PPFIA3: variants seen among roughly 807,000 people sequenced by gnomAD.
The protein encoded by PPFIA3 is PPFI scaffold protein A3, also known as liprin-alpha-3.
In PPFIA3, 26 loss-of-function variants were observed where a neutral mutation model predicts 145.8. The observed-to-expected ratio is 0.18, with a 90% CI of 0.13 to 0.25. The LOEUF is 0.25. Ranked by LOEUF, PPFIA3 falls within the 10% of genes least tolerant of loss-of-function variation. The probability of loss-of-function intolerance (pLI) is 1.00; values close to 1 mark genes in which losing one functional copy is unlikely to be tolerated. For synonymous variants in PPFIA3, 645 were observed against 661.4 expected (o/e 0.98, Z 0.38); for missense variants, 1,008 against 1,587.8 (o/e 0.63, Z 6.21).
Position 49,150,524 on chromosome 19 carries a change from G to C in PPFIA3, c.*302G>C, listed in dbSNP as rs2041335817. On this transcript the variant is annotated 3_prime_UTR_variant, in exon 30 of 30. Coordinates refer to ENST00000334186, the MANE Select transcript of PPFIA3 (RefSeq NM_003660.4). The stretch of plus-strand genomic sequence containing the variant: ...TATTGATCAGTTTCTGTTGGGAGAC[G>C]GGTGTCCTTTACCCGCGGGAAGGGG... 1 of 166,920 alleles carries C rather than the reference G, an allele frequency of 6.0e-6. No individual in the cohort carries two copies. Among genetic ancestry groups the C allele is most frequent in the Non-Finnish European group, 1.3e-5 (1 of 77,630 alleles). 10.3% of individuals were successfully genotyped at this position (166,920 alleles called of 1,614,324 possible). A position where few individuals can be genotyped will look rare whatever the true frequency, so the allele number is the denominator to read the frequency against.
At position 49,120,939 on chromosome 19, in the gene PPFIA3, C is replaced by G. The variant is rs950167237; in HGVS notation, c.-16+1217C>G. 6.6e-6 allele frequency among the ~76,000 whole-genome samples: 1 copy of G among 152,176 alleles called. No individual in the cohort carries two copies. The highest frequency in any genetic ancestry group is 2.4e-5 in the African/African-American group (1 of 41,432). ...AGGATTCAGGAGTCCAGGCTCCCAGCTCTGTCCACTGCCCTCCCCAGCAGG... is the reference window on the plus strand; with the variant it reads ...AGGATTCAGGAGTCCAGGCTCCCAGGTCTGTCCACTGCCCTCCCCAGCAGG... On this transcript the variant is annotated intron_variant, in intron 1 of 29. Coordinates refer to ENST00000334186, the MANE Select transcript of PPFIA3 (RefSeq NM_003660.4). This position sits in a 1 kb window ranked among gnomAD's most constrained non-coding sequence, Gnocchi z 4.6.
At position 49,138,399 on chromosome 19, in the gene PPFIA3, G is replaced by T. The variant is rs1389495306; in HGVS notation, c.2048G>T (p.Ser683Ile). ...GHSTPRLAPPSPAREGTDKAN... is the reference protein window; with the variant it reads ...GHSTPRLAPPIPAREGTDKAN... ...TCAACACCCCGCCTGGCACCCCCTA[G>T]CCCTGCCCGTGAGGGCACCGACAAG... is the stretch of plus-strand genomic sequence containing the variant. The change falls in exon 16 of 30, where the codon AGC becomes ATC. Residue 683 changes from serine (S) to isoleucine (I), a missense_variant. Around this residue, in one of 11 missense-constraint regions of PPFIA3, gnomAD observed 202 missense variants for 241.8 expected, o/e 0.84. Transcript: ENST00000334186. The T allele has an allele frequency of 3.2e-6, 5 of 1,569,110 alleles. No individual in the cohort carries two copies. Among genetic ancestry groups the T allele is most frequent in the Non-Finnish European group, 4.3e-6 (5 of 1,155,732 alleles).
Position 49,128,863 on chromosome 19 carries a change from C to T in PPFIA3, c.358C>T (p.Leu120=). 5 of 1,605,404 alleles carry T rather than the reference C, an allele frequency of 3.1e-6. No individual in the cohort carries two copies. Among genetic ancestry groups the T allele is most frequent in the Non-Finnish European group, 4.3e-6 (5 of 1,175,858 alleles). ...GTGCTTGCAGCTGCTCCTGGAACAC[C>T]TGGAGTGCCTGGTGTCCAGGCACGA... The part of the protein sequence containing the change: ...RNNTRLLLEH[L]ECLVSRHERS... Residue 120 remains leucine (L), a synonymous_variant, in exon 4 of 30, where the codon CTG becomes TTG. Transcript: ENST00000334186. This position sits in a 1 kb window ranked among gnomAD's most constrained non-coding sequence, Gnocchi z 4.1.
chr19:49,127,180 G>C (rs1275479675), intron 1 of PPFIA3, among the ~76,000 whole-genome samples: 1 of 150,952 alleles, frequency 6.6e-6, no homozygotes, highest in Non-Finnish European at 1.5e-5. Context: ...TCAGGAGTTC[G>C]AGACCAGCCT....
At position 49,149,476 on chromosome 19, in the gene PPFIA3, T is replaced by A; in HGVS notation, c.3355-71T>A. 6.3e-7 allele frequency: 1 copy of A among 1,590,966 alleles called. No homozygotes were observed. Among genetic ancestry groups the A allele is most frequent in the Non-Finnish European group, 8.6e-7 (1 of 1,163,382 alleles). ...AGGAGAGGTGAGACCCGGAGAGGGG[T>A]GGAGTCAAAGGAAGGGGCGGAGTCA... On this transcript the variant is annotated intron_variant, in intron 27 of 29. Coordinates refer to ENST00000334186, the MANE Select transcript of PPFIA3 (RefSeq NM_003660.4). This position sits in a 1 kb window ranked among gnomAD's most constrained non-coding sequence, Gnocchi z 5.7.
chr19:49,120,155 G>A lies in PPFIA3; in HGVS notation c.-16+433G>A, dbSNP rs909020962. 1.3e-5 allele frequency among the ~76,000 whole-genome samples: 2 copies of A among 152,126 alleles called. No homozygotes were observed. The highest frequency in any genetic ancestry group is 4.8e-5 in the African/African-American group (2 of 41,444). On this transcript the variant is annotated intron_variant, in intron 1 of 29. Coordinates refer to ENST00000334186, the MANE Select transcript of PPFIA3 (RefSeq NM_003660.4). The surrounding 1 kb of genome is among the most constrained non-coding windows in gnomAD (Gnocchi z 4.6). ...CCGGCTGCGTCCCACGGTCCAGGCA[G>A]GCTCGGCGGCCGCCCTGGACACAGG...
chr19:49,148,304 C>T (rs751317519), intron 24 of PPFIA3, 46 bp downstream of exon 24: 4 of 1,571,176 alleles, frequency 2.5e-6, no homozygotes, highest in South Asian at 1.2e-5. Flanking sequence ...GGAAGCCCCA[C>T]CCCAGAGAGT....
Position 49,149,470 on chromosome 19 carries a change from G to A in PPFIA3, c.3355-77G>A. ...GGTTAAAGGAGAGGTGAGACCCGGAGAGGGGTGGAGTCAAAGGAAGGGGCG... is the reference window on the plus strand; with the variant it reads ...GGTTAAAGGAGAGGTGAGACCCGGAAAGGGGTGGAGTCAAAGGAAGGGGCG... On this transcript the variant is annotated intron_variant, in intron 27 of 29. Coordinates refer to ENST00000334186, the MANE Select transcript of PPFIA3 (RefSeq NM_003660.4). This position sits in a 1 kb window ranked among gnomAD's most constrained non-coding sequence, Gnocchi z 5.7. 6.3e-7 allele frequency: 1 copy of A among 1,593,660 alleles called. No homozygotes were observed. Among genetic ancestry groups the A allele is most frequent in the Non-Finnish European group, 8.6e-7 (1 of 1,163,812 alleles).
intron 23 of PPFIA3, chr19:49,146,398 T>A (rs2041281306): frequency 3.1e-6 from 2 of 639,820 alleles, no homozygotes; most frequent in Non-Finnish European, 2.7e-6. Flanking sequence ...CCCAGACTGT[T>A]GCATAGTCAG....
At chr19:49,138,519 A>C in intron 16 of PPFIA3, 92 bp downstream of exon 16, 2 of 1,115,586 alleles carry the variant, frequency 1.8e-6, no homozygotes. Flanking sequence ...AACCCCTCAC[A>C]CCAGTGGTTT....
In PPFIA3 at chr19:49,138,328, C is replaced by T. The variant is rs1330955606; in HGVS notation, c.1977C>T (p.Leu659=). Residue 659 remains leucine (L), a synonymous_variant, in exon 16 of 30, where the codon CTC becomes CTT. Coordinates refer to ENST00000334186, the MANE Select transcript of PPFIA3 (RefSeq NM_003660.4). ...GCAGCTGCTCCCTGCCCCCCTCCCTCACCACCTCTACCCTTGCCAGCCCCT... is the reference window on the plus strand; with the variant it reads ...GCAGCTGCTCCCTGCCCCCCTCCCTTACCACCTCTACCCTTGCCAGCCCCT... ...YRSSCSLPPS[L]TTSTLASPSP... 1.8e-5 allele frequency: 29 copies of T among 1,612,496 alleles called. No homozygotes were observed. The highest frequency in any genetic ancestry group is 2.5e-5 in the Non-Finnish European group (29 of 1,179,522).
At chr19:49,145,573 A>G (rs1346013456) in intron 21 of PPFIA3, 1 of 282,684 alleles carries the variant, frequency 3.5e-6, no homozygotes, top group Non-Finnish European at 6.8e-6. Context: ...GCAGAAGCTC[A>G]ATAAATGTGA....
chr19:49,124,880 A>T (rs1367176712), intron 1 of PPFIA3, among the ~76,000 whole-genome samples: 1 of 152,124 alleles, frequency 6.6e-6, no homozygotes, highest in East Asian at 1.9e-4. Flanking sequence ...CCTGGCTAAC[A>T]TGGTGAAACC....
chr19:49,133,229 T>G lies in PPFIA3; in HGVS notation c.1027-8T>G. 1 of 1,563,642 alleles carries G rather than the reference T, an allele frequency of 6.4e-7. No individual in the cohort carries two copies. Among genetic ancestry groups the G allele is most frequent in the Non-Finnish European group, 8.7e-7 (1 of 1,145,048 alleles). ...CCCGTCCCCTCCCCCTGCCTCTCCC[T>G]CCCCCAGAGTGAAGAGAAGAGCCGT... is the stretch of plus-strand genomic sequence containing the variant. On this transcript the variant is annotated splice_region_variant and splice_polypyrimidine_tract_variant and intron_variant, in intron 8 of 29. Coordinates refer to ENST00000334186, the MANE Select transcript of PPFIA3 (RefSeq NM_003660.4). The surrounding 1 kb of genome is among the most constrained non-coding windows in gnomAD (Gnocchi z 7.2).
At chr19:49,135,277 A>C (rs1376435580) in intron 13 of PPFIA3, among the ~76,000 whole-genome samples, 1 of 152,088 alleles carries the variant, frequency 6.6e-6, no homozygotes, top group Admixed American at 6.6e-5. Context: ...CCAGGCCTCA[A>C]GTGATCCTCC....
chr19:49,149,906 G>A lies in PPFIA3; in HGVS notation c.3527-174G>A. On this transcript the variant is annotated intron_variant, in intron 28 of 29. Transcript: ENST00000334186. The surrounding 1 kb of genome is among the most constrained non-coding windows in gnomAD (Gnocchi z 5.7). ...AATCCCACTCCCCCTTCCCAGGGCG[G>A]GAGTGAACTCGCCCAATGCGAGTTT... 1 of 1,116,030 alleles carries A rather than the reference G, an allele frequency of 9.0e-7. No homozygotes were observed. The highest frequency in any genetic ancestry group is 2.0e-4 in the Middle Eastern group (1 of 4,906). 69.1% of individuals were successfully genotyped at this position (1,116,030 alleles called of 1,614,324 possible).
intron 1 of PPFIA3, among the ~76,000 whole-genome samples, chr19:49,126,722 C>T (rs556959764): frequency 5.3e-4 from 80 of 152,186 alleles, no homozygotes; most frequent in Middle Eastern, 3.4e-3. Flanking sequence ...TCCTAGTGAC[C>T]TAATCCTGGG....
At chr19:49,140,494 G>A (rs1489082081) in intron 18 of PPFIA3, among the ~76,000 whole-genome samples, 2 of 150,930 alleles carry the variant, frequency 1.3e-5, no homozygotes, top group Admixed American at 6.6e-5. Context: ...GACTATAGGC[G>A]CCCGCCACTA....
Position 49,129,384 on chromosome 19 carries a change from G to A in PPFIA3, c.512G>A (p.Arg171Gln), listed in dbSNP as rs2041041904. 1.9e-6 allele frequency: 3 copies of A among 1,550,190 alleles called. No individual in the cohort carries two copies. The highest frequency in any genetic ancestry group is 2.6e-6 in the Non-Finnish European group (3 of 1,147,150). Residue 171 changes from arginine to glutamine, a missense_variant, in exon 5 of 30, where the codon CGG becomes CAG. Around this residue, in one of 11 missense-constraint regions of PPFIA3, gnomAD observed 136 missense variants for 160.7 expected, o/e 0.85. Coordinates refer to ENST00000334186, the MANE Select transcript of PPFIA3 (RefSeq NM_003660.4). ...TTGCCCTGCCCCGATCCCCAGGTCC[G>A]GGAGCGGCTGCGGATGGCGCTGGAG... ...EHHKALDEKVRERLRMALERV... is the reference protein window; with the variant it reads ...EHHKALDEKVQERLRMALERV...
Sources: gnomAD v4.1 joint callset for allele counts (sites outside exome capture counted in the v4.1 genomes callset) on GRCh38, gnomAD v4.1.1 for gene constraint, gnomAD v4.1.1 regional missense constraint, Gnocchi (gnomAD v3.1) non-coding constraint, MANE v1.5 for transcripts, NCBI Gene and HGNC (gene_info 2026-07-23, HGNC 2026-07-21) for gene names.